Variants in LSAMP observed in about 807,000 individuals in gnomAD.
LSAMP encodes limbic system-associated membrane protein.
In LSAMP, 7 loss-of-function variants were observed where a neutral mutation model predicts 38.6. The ratio of observed to expected loss-of-function variants is 0.18; its 90% CI spans 0.10 to 0.34. LSAMP has a LOEUF of 0.34. Among genes scored for constraint, LSAMP ranks in the 10% least tolerant of loss-of-function variants. LSAMP has a pLI of 1.00. For missense variants in LSAMP, 313 were observed against 420.0 expected, an observed-to-expected ratio of 0.75 and a Z score of 2.23; for synonymous variants, 154 against 166.8, an observed-to-expected ratio of 0.92 and a Z score of 0.59.
intron 2 of LSAMP, among the ~76,000 whole-genome samples, chr3:116,082,806 G>A (rs535794109): frequency 6.6e-6 from 1 of 152,030 alleles, no homozygotes; most frequent in Non-Finnish European, 1.5e-5. Context: ...AAATACCACA[G>A]GTTCTCACTT....
intron 1 of LSAMP, among the ~76,000 whole-genome samples, chr3:116,239,538 T>A (rs2046505657): frequency 6.6e-6 from 1 of 152,202 alleles, no homozygotes; most frequent in African/African-American, 2.4e-5. Flanking sequence ...TTTAATTCAG[T>A]AAATAAATTA....
chr3:116,358,229 A>C (rs2107774864), intron 1 of LSAMP, among the ~76,000 whole-genome samples: 1 of 152,344 alleles, frequency 6.6e-6, no homozygotes, highest in Admixed American at 6.5e-5. Context: ...AAGGAGGGAA[A>C]AGAATTCTAG....
intron 1 of LSAMP, among the ~76,000 whole-genome samples, chr3:116,322,781 T>C (rs1010618431): frequency 1.3e-5 from 2 of 152,098 alleles, no homozygotes; most frequent in East Asian, 3.9e-4. Flanking sequence ...TTTCTTTGTC[T>C]TCTTTTTTCT....
intron 1 of LSAMP, among the ~76,000 whole-genome samples, chr3:116,222,448 G>A (rs901933788): frequency 6.6e-6 from 1 of 151,844 alleles, no homozygotes; most frequent in African/African-American, 2.4e-5. Context: ...TATATCTACC[G>A]ATTTAAATGT....
At chr3:115,933,222 C>T (rs1423050168) in intron 3 of LSAMP, among the ~76,000 whole-genome samples, 1 of 152,064 alleles carries the variant, frequency 6.6e-6, no homozygotes, top group Non-Finnish European at 1.5e-5. Context: ...CAATAGGAGA[C>T]CAGCAAAGCA....
rs149958950 is a variant in LSAMP at position 116,103,669 on chromosome 3, A to G, written c.156-17113T>C. 4.0e-3 allele frequency among the ~76,000 whole-genome samples: 595 copies of G among 150,594 alleles called. 4 individuals are homozygous for G. Among genetic ancestry groups the G allele is most frequent in the African/African-American group, 0.014 (576 of 40,804 alleles). Reference sequence around the variant, plus strand: ...TGCTCTTATGCAGTGTGAGTCCCTTAAAGTCCCTTAATCTTTATGAACATT... The same window carrying G: ...TGCTCTTATGCAGTGTGAGTCCCTTGAAGTCCCTTAATCTTTATGAACATT... On this transcript the variant is annotated intron_variant, in intron 1 of 6. Transcript: ENST00000490035.
In LSAMP at chr3:116,337,697, C is replaced by T. The variant is rs376559265; in HGVS notation, c.155+107180G>A. 2.6e-5 allele frequency among the ~76,000 whole-genome samples: 4 copies of T among 151,906 alleles called. No individual in the cohort carries two copies. The East Asian group carries it at 7.8e-4, about 30-fold the overall frequency. On this transcript the variant is annotated intron_variant, in intron 1 of 6. Coordinates refer to ENST00000490035, the MANE Select transcript of LSAMP (RefSeq NM_002338.5). The stretch of plus-strand genomic sequence containing the variant: ...CCTGGGTCTCCTTGACAGTCAAGGA[C>T]AGAGAAAAGGTAGGTGCATGTTAAC...
At chr3:116,069,362 G>A (rs1707544380) in intron 2 of LSAMP, among the ~76,000 whole-genome samples, 1 of 152,186 alleles carries the variant, frequency 6.6e-6, no homozygotes. Flanking sequence ...ATACAAAGAA[G>A]TAAATTTGGA....
rs1178971587 is a variant in LSAMP, at chr3:115,809,236, G to A, written c.*1081C>T. 1.3e-5 allele frequency: 2 copies of A among 152,108 alleles called. No individual in the cohort carries two copies. The highest frequency in any genetic ancestry group is 4.8e-5 in the African/African-American group (2 of 41,402). The allele number at this position is 152,108 out of a possible 1,614,324, so 9.4% of individuals were successfully genotyped here. ...CCTTATGCTGTTTGCTTACCCCATCGATAGTAGGCACTTTCATTTACAGTG... is the reference window on the plus strand; with the variant it reads ...CCTTATGCTGTTTGCTTACCCCATCAATAGTAGGCACTTTCATTTACAGTG... On this transcript the variant is annotated 3_prime_UTR_variant, in exon 7 of 7. Transcript: ENST00000490035.
intron 1 of LSAMP, among the ~76,000 whole-genome samples, chr3:116,199,304 T>A (rs1399475178): frequency 6.6e-6 from 1 of 152,206 alleles, no homozygotes; most frequent in East Asian, 1.9e-4. Flanking sequence ...TCAGTTCAGT[T>A]AACATTCCTT....
intron 3 of LSAMP, among the ~76,000 whole-genome samples, chr3:115,990,875 G>A (rs1159941965): frequency 6.6e-6 from 1 of 151,910 alleles, no homozygotes; most frequent in East Asian, 1.9e-4. Flanking sequence ...GCTTTTATTT[G>A]TTGTCTTGGA....
intron 3 of LSAMP, among the ~76,000 whole-genome samples, chr3:116,017,939 G>C (rs1354134292): frequency 6.6e-6 from 1 of 152,114 alleles, no homozygotes; most frequent in African/African-American, 2.4e-5. Flanking sequence ...TGGGACAGGG[G>C]TAGGTGGCAT....
At chr3:116,184,707 T>G (rs1448959525) in intron 1 of LSAMP, among the ~76,000 whole-genome samples, 2 of 151,940 alleles carry the variant, frequency 1.3e-5, no homozygotes, top group Non-Finnish European at 2.9e-5. Context: ...ATTTTTAGTA[T>G]GATATATATT....
At chr3:115,876,776 T>C (rs1490709205) in intron 3 of LSAMP, among the ~76,000 whole-genome samples, 5 of 152,156 alleles carry the variant, frequency 3.3e-5, no homozygotes, top group Non-Finnish European at 2.9e-5. Context: ...TCCATTGTGA[T>C]CATACATGTG....
intron 1 of LSAMP, among the ~76,000 whole-genome samples, chr3:116,428,893 G>A (rs773027872): frequency 2.6e-5 from 4 of 152,138 alleles, no homozygotes; most frequent in Non-Finnish European, 5.9e-5. Context: ...CAGCTTTACA[G>A]ACAGATAACT....
chr3:115,954,278 C>T (rs1453065272), intron 3 of LSAMP, among the ~76,000 whole-genome samples: 1 of 152,092 alleles, frequency 6.6e-6, no homozygotes, highest in Non-Finnish European at 1.5e-5. Flanking sequence ...CTGTGGATAG[C>T]CTACATTGGG....
At chr3:116,138,333 TTCTCTC>T (rs940156499) in intron 1 of LSAMP, among the ~76,000 whole-genome samples, 3 of 152,112 alleles carry the variant, frequency 2.0e-5, no homozygotes, top group African/African-American at 7.2e-5. Flanking sequence ...CCTCAACTGT[TTCTCTC>T]TCAGTCAATT....
chr3:116,091,115 T>C (rs1708113211), intron 1 of LSAMP, among the ~76,000 whole-genome samples: 1 of 152,202 alleles, frequency 6.6e-6, no homozygotes. Flanking sequence ...TTCAGAGACC[T>C]ACCCCCAGGT....
At chr3:116,373,217 GTATATA>G (rs149436349) in intron 1 of LSAMP, among the ~76,000 whole-genome samples, 3 of 148,080 alleles carry the variant, frequency 2.0e-5, no homozygotes, top group Non-Finnish European at 4.5e-5. Context: ...TTATATATAT[GTATATA>G]TATATATATG....
Sources: gnomAD v4.1 joint callset for allele counts (sites outside exome capture counted in the v4.1 genomes callset) on GRCh38, gnomAD v4.1.1 for gene constraint, MANE v1.5 for transcripts, NCBI Gene and HGNC (gene_info 2026-07-23, HGNC 2026-07-21) for gene names.